Variants in EXPH5 observed in about 807,000 individuals in gnomAD.
The protein encoded by EXPH5 is exophilin 5.
In EXPH5, 42 loss-of-function variants were observed where a neutral mutation model predicts 41.1. The observed-to-expected ratio is 1.02, with a 90% CI of 0.80 to 1.32. The LOEUF is 1.32. Among genes scored for constraint, EXPH5 ranks in the 40% most tolerant of loss-of-function variants. The pLI, the probability that EXPH5 is intolerant of heterozygous loss-of-function variation, is 0.00. For missense variants in EXPH5, 2,298 were observed against 2,314.5 expected (o/e 0.99, Z 0.15); for synonymous variants, 798 against 833.5 (o/e 0.96, Z 0.73).
intron 1 of EXPH5, among the ~76,000 whole-genome samples, chr11:108,547,716 G>A (rs917896247): frequency 1.3e-5 from 2 of 151,802 alleles, no homozygotes; most frequent in East Asian, 1.9e-4. Flanking sequence ...AATAAAATAT[G>A]TTACATTTCT....
At chr11:108,584,621 T>C (rs1023316704) in intron 1 of EXPH5, among the ~76,000 whole-genome samples, 14 of 152,064 alleles carry the variant, frequency 9.2e-5, no homozygotes, top group African/African-American at 2.9e-4. Context: ...ACTCCAAAAA[T>C]ATAGCAAATT....
chr11:108,567,264 A>T (rs767663), intron 1 of EXPH5, among the ~76,000 whole-genome samples: 58,127 of 152,086 alleles, frequency 0.38, 12,933 homozygotes, highest in African/African-American at 0.63. Flanking sequence ...TGATATGAAC[A>T]GTCTTTCTGA....
the EXPH5 span, among the ~76,000 whole-genome samples, chr11:108,606,315 C>T: frequency 1.3e-5 from 2 of 152,278 alleles, no homozygotes; most frequent in South Asian, 4.1e-4. Context: ...AGCTGGTTTC[C>T]TCCTCGTGGG....
At chr11:108,543,330 T>G (rs1345310648) in intron 1 of EXPH5, among the ~76,000 whole-genome samples, 1 of 152,228 alleles carries the variant, frequency 6.6e-6, no homozygotes, top group Non-Finnish European at 1.5e-5. Context: ...CATTTTGCTC[T>G]ATTTAAGGAA....
intron 1 of EXPH5, among the ~76,000 whole-genome samples, chr11:108,584,240 C>G (rs2094107050): frequency 6.6e-6 from 1 of 152,064 alleles, no homozygotes; most frequent in African/African-American, 2.4e-5. Context: ...CTTTGGGAGG[C>G]CAAGATGGGC....
At chr11:108,529,968 C>G (rs996110592) in intron 3 of EXPH5, among the ~76,000 whole-genome samples, 5 of 152,048 alleles carry the variant, frequency 3.3e-5, no homozygotes, top group African/African-American at 4.8e-5. Context: ...GTCTCTAGAT[C>G]AGATCAATTA....
At chr11:108,517,945 G>A (rs1471879360) in intron 5 of EXPH5, among the ~76,000 whole-genome samples, 1 of 152,014 alleles carries the variant, frequency 6.6e-6, no homozygotes, top group Non-Finnish European at 1.5e-5. Context: ...TTTCAGTAGA[G>A]ATGGGGTCTC....
At chr11:108,567,759 C>G (rs1461607158) in intron 1 of EXPH5, among the ~76,000 whole-genome samples, 2 of 152,168 alleles carry the variant, frequency 1.3e-5, no homozygotes, top group African/African-American at 4.8e-5. Context: ...ATACTGGAAA[C>G]AGGTATCTCT....
intron 3 of EXPH5, chr11:108,538,022 T>C (rs1332303190): frequency 9.1e-6 from 9 of 985,408 alleles, no homozygotes; most frequent in South Asian, 9.4e-5. Flanking sequence ...TAAATCTACA[T>C]TGTGGTCTGC....
intron 1 of EXPH5, among the ~76,000 whole-genome samples, chr11:108,572,604 G>A (rs2094064452): frequency 6.6e-6 from 1 of 152,190 alleles, no homozygotes; most frequent in Non-Finnish European, 1.5e-5. Context: ...TGTTGCCCAA[G>A]CTGCAGTGCA....
At chr11:108,600,676 G>A in the EXPH5 span, among the ~76,000 whole-genome samples, 2 of 151,876 alleles carry the variant, frequency 1.3e-5, no homozygotes, top group Non-Finnish European at 2.9e-5. Flanking sequence ...AATTAATTTT[G>A]GTGTATTTTA....
At chr11:108,589,401 A>G (rs2094122087) in intron 1 of EXPH5, among the ~76,000 whole-genome samples, 1 of 152,340 alleles carries the variant, frequency 6.6e-6, no homozygotes, top group African/African-American at 2.4e-5. Context: ...GCCACCAGCT[A>G]TAGACCACTT....
At chr11:108,565,320 T>C (rs2136088125) in intron 1 of EXPH5, among the ~76,000 whole-genome samples, 1 of 152,284 alleles carries the variant, frequency 6.6e-6, no homozygotes, top group South Asian at 2.1e-4. Flanking sequence ...AATGGCAAAA[T>C]TGGCAACTCT....
intron 1 of EXPH5, among the ~76,000 whole-genome samples, chr11:108,553,205 AT>A (rs1489915726): frequency 6.6e-6 from 1 of 152,192 alleles, no homozygotes; most frequent in South Asian, 2.1e-4. Context: ...TCTAAAAAAA[AT>A]AAAATAAAAT....
intron 4 of EXPH5, among the ~76,000 whole-genome samples, chr11:108,522,910 A>T (rs557634378): frequency 1.3e-5 from 2 of 151,232 alleles, no homozygotes; most frequent in Non-Finnish European, 2.9e-5. Flanking sequence ...AGAGACAGGG[A>T]CTTGCTCCAT....
At chr11:108,598,629 G>A (rs1409860196), upstream of EXPH5, among the ~76,000 whole-genome samples, 1 of 152,078 alleles carries the variant, frequency 6.6e-6, no homozygotes, top group East Asian at 1.9e-4. Context: ...CATAAGCGGT[G>A]ACCTGAGGGG....
intron 1 of EXPH5, among the ~76,000 whole-genome samples, chr11:108,579,399 G>A (rs2094090806): frequency 6.6e-6 from 1 of 152,036 alleles, no homozygotes; most frequent in Non-Finnish European, 1.5e-5. Flanking sequence ...TTAACGTGTT[G>A]TTGAATTCAG....
chr11:108,522,311 A>G (rs931657472), intron 4 of EXPH5, among the ~76,000 whole-genome samples: 7 of 152,054 alleles, frequency 4.6e-5, no homozygotes, highest in African/African-American at 1.4e-4. Context: ...AGATATTATT[A>G]TTATTGTTGT....
In EXPH5 at chr11:108,593,655, C is replaced by A; in HGVS notation, c.-119G>T. On this transcript the variant is annotated 5_prime_UTR_variant, in exon 1 of 6. Transcript: ENST00000265843. ...GATCCCACAGCCAATAATAAGTCCG[C>A]CCCTTTGAAAGTCTAAAACCACAAA... is the stretch of plus-strand genomic sequence containing the variant. The A allele has an allele frequency of 6.3e-7, 1 of 1,581,048 alleles. No homozygotes were observed. The highest frequency in any genetic ancestry group is 8.6e-7 in the Non-Finnish European group (1 of 1,161,988).
Sources: gnomAD v4.1 joint callset for allele counts (sites outside exome capture counted in the v4.1 genomes callset) on GRCh38, gnomAD v4.1.1 for gene constraint, MANE v1.5 for transcripts, NCBI Gene and HGNC (gene_info 2026-07-23, HGNC 2026-07-21) for gene names.